Variants in INPP5D observed in about 807,000 individuals in gnomAD.
The protein encoded by INPP5D is inositol polyphosphate-5-phosphatase D, also known as phosphatidylinositol 3,4,5-trisphosphate 5-phosphatase 1.
INPP5D carries 33 observed loss-of-function variants against 122.9 expected under a neutral mutation model. The observed-to-expected ratio is 0.27, with a 90% CI of 0.20 to 0.36. The LOEUF (loss-of-function observed/expected upper bound fraction) is 0.36, where lower values mean the gene tolerates loss of function less well. INPP5D is among the 10% of genes least tolerant of loss of function. The pLI, the probability that INPP5D is intolerant of heterozygous loss-of-function variation, is 1.00. For synonymous variants in INPP5D, 584 were observed against 576.2 expected, an observed-to-expected ratio of 1.01 and a Z score of -0.19; for missense variants, 1,053 against 1,412.7, an observed-to-expected ratio of 0.75 and a Z score of 4.08.
At chr2:233,088,174 A>G (rs1176775282) in intron 2 of INPP5D, among the ~76,000 whole-genome samples, 5 of 152,054 alleles carry the variant, frequency 3.3e-5, no homozygotes, top group Non-Finnish European at 5.9e-5. Flanking sequence ...ACGGAGTTTC[A>G]TCATGTTGGC....
At chr2:233,063,943 A>T (rs1305040661) in intron 1 of INPP5D, among the ~76,000 whole-genome samples, 1 of 152,260 alleles carries the variant, frequency 6.6e-6, no homozygotes, top group Non-Finnish European at 1.5e-5. Flanking sequence ...TGTCAGGCTC[A>T]TGCCCTCTCC....
chr2:233,097,891 C>CTT (rs1199718095), intron 2 of INPP5D, among the ~76,000 whole-genome samples: 2 of 142,354 alleles, frequency 1.4e-5, no homozygotes, highest in Admixed American at 7.1e-5. Context: ...TGTCTCATTT[C>CTT]TTTTTTTTTT....
At chr2:233,130,773 G>A (rs1299314153) in intron 5 of INPP5D, 125 bp downstream of exon 5, 1 of 999,654 alleles carries the variant, frequency 1.0e-6, no homozygotes, top group Non-Finnish European at 1.5e-6. Context: ...CAATAATTGA[G>A]TGGTGAGCAC....
intron 25 of INPP5D, among the ~76,000 whole-genome samples, chr2:233,199,301 C>T (rs552933961): frequency 3.4e-4 from 46 of 136,230 alleles, no homozygotes; most frequent in African/African-American, 1.2e-3. Flanking sequence ...GCAGGAGAAT[C>T]GCTTGAACCC....
At chr2:233,199,855 G>A (rs1695287686) in intron 25 of INPP5D, among the ~76,000 whole-genome samples, 1 of 152,134 alleles carries the variant, frequency 6.6e-6, no homozygotes. Context: ...AATGTTTCTA[G>A]AGCTAGTTAA....
chr2:233,134,012 CGTGTGCATGGCAAAGGT>C (rs779891266), intron 5 of INPP5D: 95 of 456,174 alleles, frequency 2.1e-4, no homozygotes, highest in Non-Finnish European at 1.4e-4. Flanking sequence ...ACCTGGGACA[CGTGTGCATGGCAAAGGT>C]GTCAGATTTG....
chr2:233,120,542 G>C (rs957261462), intron 2 of INPP5D: 7 of 152,310 alleles, frequency 4.6e-5, no homozygotes, highest in Admixed American at 2.6e-4. Flanking sequence ...ATGAGGACAG[G>C]GTGAATCACA....
chr2:233,114,524 G>A (rs577409271), intron 2 of INPP5D, among the ~76,000 whole-genome samples: 6 of 152,276 alleles, frequency 3.9e-5, no homozygotes, highest in East Asian at 1.9e-4. Flanking sequence ...CAGGGCAAAC[G>A]CGGCAGGAGG....
At chr2:233,092,185 C>G (rs982733798) in intron 2 of INPP5D, among the ~76,000 whole-genome samples, 1 of 152,186 alleles carries the variant, frequency 6.6e-6, no homozygotes, top group South Asian at 2.1e-4. Flanking sequence ...ACTGGGGGCC[C>G]GAGCTGCCAG....
At chr2:233,096,166 G>T (rs369521924) in intron 2 of INPP5D, among the ~76,000 whole-genome samples, 1 of 152,150 alleles carries the variant, frequency 6.6e-6, no homozygotes, top group South Asian at 2.1e-4. Flanking sequence ...GAAGGAATGC[G>T]TATATGATTG....
intron 5 of INPP5D, chr2:233,131,062 G>C: frequency 4.7e-6 from 2 of 429,502 alleles, no homozygotes; most frequent in Non-Finnish European, 6.2e-6. Context: ...TTTTCTGCGT[G>C]GGTGGTTATG....
At chr2:233,075,668 T>G (rs753981388) in intron 1 of INPP5D, among the ~76,000 whole-genome samples, 1 of 152,070 alleles carries the variant, frequency 6.6e-6, no homozygotes, top group Non-Finnish European at 1.5e-5. Context: ...GCAGGCCAAG[T>G]GAGCACCTTC....
At chr2:233,112,685 T>TA (rs530629166) in intron 2 of INPP5D, among the ~76,000 whole-genome samples, 26 of 151,964 alleles carry the variant, frequency 1.7e-4, no homozygotes, top group African/African-American at 5.1e-4. Flanking sequence ...ATCTTTTTTT[T>TA]AAAAAATACC....
intron 9 of INPP5D, among the ~76,000 whole-genome samples, chr2:233,150,005 G>C (rs1479618867): frequency 6.6e-6 from 1 of 152,182 alleles, no homozygotes. Flanking sequence ...GCAGAGGGGA[G>C]CTCATAGCAT....
intron 1 of INPP5D, among the ~76,000 whole-genome samples, chr2:233,070,717 AG>A (rs756712225): frequency 6.6e-6 from 1 of 152,136 alleles, no homozygotes; most frequent in South Asian, 2.1e-4. Flanking sequence ...CTGGGATTAC[AG>A]GCGTGAGCCA....
chr2:233,183,646 C>T lies in INPP5D; in HGVS notation c.2162-762C>T, dbSNP rs1009078658. 4.6e-5 allele frequency among the ~76,000 whole-genome samples: 7 copies of T among 152,202 alleles called. No homozygotes were observed. The highest frequency in any genetic ancestry group is 1.9e-4 in the East Asian group (1 of 5,188). On this transcript the variant is annotated intron_variant, in intron 19 of 26. Coordinates refer to ENST00000445964, the MANE Select transcript of INPP5D (RefSeq NM_001017915.3). The surrounding 1 kb of genome is among the most constrained non-coding windows in gnomAD (Gnocchi z 4.6). ...CCATGTCAGGCTGGGCTTCCCTCCA[C>T]GGGGGATCAGTACACAGCAGATGCT...
chr2:233,190,655 G>A (rs1229702341), intron 22 of INPP5D, among the ~76,000 whole-genome samples: 2 of 152,186 alleles, frequency 1.3e-5, no homozygotes, highest in East Asian at 3.9e-4. Flanking sequence ...AGACAGCAGG[G>A]GCTTTTGTAC....
chr2:233,140,250 AAG>A (rs1693603647), intron 6 of INPP5D: 1 of 168,414 alleles, frequency 5.9e-6, no homozygotes, highest in African/African-American at 2.4e-5. Context: ...AGGAAAGAAA[AAG>A]AGGAGATGCC....
At chr2:233,098,876 G>A (rs541120413) in intron 2 of INPP5D, among the ~76,000 whole-genome samples, 3 of 152,268 alleles carry the variant, frequency 2.0e-5, no homozygotes, top group African/African-American at 4.8e-5. Context: ...ATTTGCCATC[G>A]ACTAAAATGC....
Sources: gnomAD v4.1 joint callset for allele counts (sites outside exome capture counted in the v4.1 genomes callset) on GRCh38, gnomAD v4.1.1 for gene constraint, Gnocchi (gnomAD v3.1) non-coding constraint, MANE v1.5 for transcripts, NCBI Gene and HGNC (gene_info 2026-07-23, HGNC 2026-07-21) for gene names.